Variants in LARP4 observed in about 807,000 individuals in gnomAD.
LARP4 encodes the protein La ribonucleoprotein 4, also known as la-related protein 4.
A neutral mutation model predicts 92.9 loss-of-function variants in LARP4; 29 were observed. The ratio of observed to expected loss-of-function variants is 0.31; its 90% confidence interval spans 0.23 to 0.43. The LOEUF (loss-of-function observed/expected upper bound fraction) is 0.43. LARP4 is among the 20% of genes least tolerant of loss of function. The pLI, the probability that LARP4 is intolerant of heterozygous loss-of-function variation, is 1.00. For synonymous variants in LARP4, 279 were observed against 284.1 expected, an observed-to-expected ratio of 0.98 and a Z score of 0.18; for missense variants, 732 against 860.0, an observed-to-expected ratio of 0.85 and a Z score of 1.86.
rs1957649726 is a variant in LARP4 at position 50,477,968 on chromosome 12, T to TA, written c.*2109dup. Reference sequence around the variant, plus strand: ...TGGATTTCAGAGAATAAACATTTTGTAAAAATCACTTGGTAAGGATTATAA... The same window carrying TA: ...TGGATTTCAGAGAATAAACATTTTGTAAAAAATCACTTGGTAAGGATTATAA... On this transcript the variant is annotated 3_prime_UTR_variant, in exon 16 of 16. Coordinates refer to ENST00000398473, the MANE Select transcript of LARP4 (RefSeq NM_052879.5). 1 of 152,576 alleles carries TA rather than the reference T, an allele frequency of 6.6e-6. No homozygotes were observed. Among genetic ancestry groups the TA allele is most frequent in the Non-Finnish European group, 1.5e-5 (1 of 67,960 alleles). The allele number at this position is 152,576 out of a possible 1,614,324, so 9.5% of individuals were successfully genotyped here. A position where few individuals can be genotyped will look rare whatever the true frequency, so the allele number is the denominator to read the frequency against.
intron 8 of LARP4, among the ~76,000 whole-genome samples, chr12:50,452,973 G>A (rs962401753): frequency 1.3e-5 from 2 of 151,964 alleles, no homozygotes; most frequent in East Asian, 1.9e-4. Context: ...GTGGTAGTGC[G>A]ATCATAGCTC....
intron 13 of LARP4, among the ~76,000 whole-genome samples, chr12:50,470,679 C>CG (rs1379110545): frequency 6.6e-6 from 1 of 151,940 alleles, no homozygotes; most frequent in African/African-American, 2.4e-5. Flanking sequence ...GGTGAGCCAC[C>CG]GTGCCCGGCC....
chr12:50,454,486 A>G, intron 10 of LARP4, 69 bp downstream of exon 10: 5 of 1,174,970 alleles, frequency 4.3e-6, no homozygotes, highest in East Asian at 2.4e-5. Context: ...ATTAATAGCA[A>G]TGTTTGTTGT....
chr12:50,453,450 C>T lies in LARP4; in HGVS notation c.805-10C>T, dbSNP rs375790771. Reference sequence around the variant, plus strand: ...TAATTCTTTGTTGCTATAATGTGTTCCTCTTCTAGGCAAGGATAAAAGCCA... The same window carrying T: ...TAATTCTTTGTTGCTATAATGTGTTTCTCTTCTAGGCAAGGATAAAAGCCA... On this transcript the variant is annotated splice_polypyrimidine_tract_variant and intron_variant, in intron 8 of 15. Transcript: ENST00000398473. 7 of 1,521,558 alleles carry T rather than the reference C, an allele frequency of 4.6e-6. No individual in the cohort carries two copies. The highest frequency in any genetic ancestry group is 5.5e-6 in the Non-Finnish European group (6 of 1,097,996). 94.3% of individuals were successfully genotyped at this position (1,521,558 alleles called of 1,614,324 possible). A position where few individuals can be genotyped will look rare whatever the true frequency, so the allele number is the denominator to read the frequency against.
At position 50,461,289 on chromosome 12, in the gene LARP4, C is replaced by T. The variant is rs1167075221; in HGVS notation, c.1276C>T (p.Leu426Phe). Residue 426 changes from leucine to phenylalanine, a missense_variant, in exon 11 of 16, where the codon CTT becomes TTT. Around this residue, in one of 7 missense-constraint regions of LARP4, gnomAD observed 264 missense variants for 269.5 expected, o/e 0.98. Coordinates refer to ENST00000398473, the MANE Select transcript of LARP4 (RefSeq NM_052879.5). ...TVTGHQEQTY[L>F]QKETSTLQVE... ...AACTGGGCATCAGGAGCAAACTTACCTTCAGAAGGAGACTTCCACTTTGCA... is the reference window on the plus strand; with the variant it reads ...AACTGGGCATCAGGAGCAAACTTACTTTCAGAAGGAGACTTCCACTTTGCA... 2 of 1,613,912 alleles carry T rather than the reference C, an allele frequency of 1.2e-6. No individual in the cohort carries two copies. The highest frequency in any genetic ancestry group is 4.5e-5 in the East Asian group (2 of 44,880).
At chr12:50,449,923 A>ATTTTTTTTT (rs60763691) in intron 8 of LARP4, among the ~76,000 whole-genome samples, 2 of 47,044 alleles carry the variant, frequency 4.3e-5, no homozygotes, top group East Asian at 8.4e-4. Flanking sequence ...AGCCATAGCA[A>ATTTTTTTTT]TTTTTTTTTT....
intron 1 of LARP4, among the ~76,000 whole-genome samples, chr12:50,410,020 G>A (rs1349965547): frequency 2.6e-5 from 4 of 151,110 alleles, no homozygotes; most frequent in Non-Finnish European, 1.5e-5. Context: ...TCGAACTCCT[G>A]CTCTCAGGTG....
chr12:50,408,283 C>T (rs538815460), intron 1 of LARP4, among the ~76,000 whole-genome samples: 3 of 149,190 alleles, frequency 2.0e-5, no homozygotes, highest in East Asian at 2.0e-4. Flanking sequence ...CTGCAACCTC[C>T]GCCTCCCGGG....
Position 50,435,574 on chromosome 12 carries a change from A to C in LARP4, c.485A>C (p.Glu162Ala). 1 of 1,607,908 alleles carries C rather than the reference A, an allele frequency of 6.2e-7. No homozygotes were observed. The highest frequency in any genetic ancestry group is 1.3e-5 in the African/African-American group (1 of 74,966). Reference protein sequence around the residue: ...IPIWTVANMEEIKKLTTDPDL... With the variant: ...IPIWTVANMEAIKKLTTDPDL... ...ATTTGGACAGTTGCCAACATGGAAG[A>C]AATAAAAAAGTTGACTACAGACCCT... The change falls in exon 5 of 16, where the codon GAA (glutamate) becomes GCA (alanine). Residue 162 changes from glutamate (E) to alanine (A), a missense_variant. Glu to Ala is a moderately radical substitution (Grantham distance 107). This residue lies in a region of LARP4 where 236 missense variants were observed against 307.6 expected (regional missense o/e 0.77). Coordinates refer to ENST00000398473, the MANE Select transcript of LARP4 (RefSeq NM_052879.5).
intron 13 of LARP4, among the ~76,000 whole-genome samples, chr12:50,470,163 A>G (rs1323965192): frequency 2.0e-5 from 3 of 151,712 alleles, no homozygotes; most frequent in East Asian, 1.9e-4. Flanking sequence ...GATCAGAGCT[A>G]TGATGAGCTG....
intron 8 of LARP4, among the ~76,000 whole-genome samples, chr12:50,444,290 C>T (rs1413695668): frequency 6.6e-6 from 1 of 151,860 alleles, no homozygotes; most frequent in Non-Finnish European, 1.5e-5. Flanking sequence ...CAGATAATCA[C>T]TATTTTGATT....
intron 4 of LARP4, among the ~76,000 whole-genome samples, chr12:50,435,192 C>T (rs1241331399): frequency 1.3e-5 from 2 of 152,182 alleles, no homozygotes; most frequent in African/African-American, 4.8e-5. Context: ...TAAAGTGCTA[C>T]TTGTAATATT....
chr12:50,415,574 T>C (rs1946617821), intron 1 of LARP4: 1 of 152,186 alleles, frequency 6.6e-6, no homozygotes. Context: ...TGAATATTTG[T>C]CATGTCCGAA....
chr12:50,423,177 C>A (rs910579298), intron 1 of LARP4, among the ~76,000 whole-genome samples: 4 of 151,908 alleles, frequency 2.6e-5, no homozygotes, highest in Non-Finnish European at 4.4e-5. Flanking sequence ...ACTTTATTTT[C>A]CTATTTACAT....
chr12:50,437,645 G>C, intron 5 of LARP4, 90 bp from the exon 6 acceptor site: 1 of 699,808 alleles, frequency 1.4e-6, no homozygotes, highest in Admixed American at 2.7e-5. Flanking sequence ...AATTTACTCA[G>C]TTGGAAATTA....
Position 50,475,765 on chromosome 12 carries a change from C to A in LARP4, c.2076C>A (p.Ile692=). The A allele has an allele frequency of 6.2e-7, 1 of 1,614,162 alleles. No homozygotes were observed. Residue 692 remains isoleucine (I), a synonymous_variant, in exon 16 of 16, where the codon ATC becomes ATA. Transcript: ENST00000398473. The part of the protein sequence containing the change: ...NIIPRGAAGK[I]REQRRQFSHR... Reference sequence around the variant, plus strand: ...TCCCCAGGGGAGCAGCAGGAAAAATCAGGGAACAGAGACGCCAGTTTAGCC... The same window carrying A: ...TCCCCAGGGGAGCAGCAGGAAAAATAAGGGAACAGAGACGCCAGTTTAGCC...
Position 50,435,602 on chromosome 12 carries a change from T to C in LARP4, c.513T>C (p.Asp171=). The change falls in exon 5 of 16, where the codon GAT becomes GAC. Residue 171 remains aspartate (D), a synonymous_variant. Transcript: ENST00000398473. ...EEIKKLTTDP[D]LILEVLRSSP... ...TAAAAAAGTTGACTACAGACCCTGA[T>C]CTAATTCTTGAAGTGTTAAGATGTA... 1 of 1,604,506 alleles carries C rather than the reference T, an allele frequency of 6.2e-7. No individual in the cohort carries two copies. The highest frequency in any genetic ancestry group is 8.5e-7 in the Non-Finnish European group (1 of 1,173,788).
rs572856363 is a variant in LARP4 at position 50,437,522 on chromosome 12, C to T, written c.536-213C>T. ...CTGTTAAGTACTCTGAATGTTTTTT[C>T]AATGAATAACATTTGACAGTGTTCT... On this transcript the variant is annotated intron_variant, in intron 5 of 15. Coordinates refer to ENST00000398473, the MANE Select transcript of LARP4 (RefSeq NM_052879.5). Among the ~76,000 whole-genome samples the T allele has an allele frequency of 2.6e-5, 4 of 152,196 alleles. No homozygotes were observed. The South Asian group carries it at 8.3e-4, about 32-fold the overall frequency.
intron 5 of LARP4, 46 bp from the exon 6 acceptor site, chr12:50,437,689 T>G: frequency 9.3e-7 from 1 of 1,069,848 alleles, no homozygotes; most frequent in Non-Finnish European, 1.4e-6. Flanking sequence ...ATTAATAATA[T>G]CACTACTTGT....
Sources: gnomAD v4.1 joint callset for allele counts (sites outside exome capture counted in the v4.1 genomes callset) on GRCh38, gnomAD v4.1.1 for gene constraint, gnomAD v4.1.1 regional missense constraint, MANE v1.5 for transcripts, NCBI Gene and HGNC (gene_info 2026-07-23, HGNC 2026-07-21) for gene names.